SPAG9: variants seen among roughly 807,000 people sequenced by gnomAD.
SPAG9 encodes sperm associated antigen 9.
In SPAG9, 35 loss-of-function variants were observed where a neutral mutation model predicts 166.5. The observed-to-expected ratio is 0.21, with a 90% CI of 0.16 to 0.28. SPAG9 has a LOEUF of 0.28. Ranked by LOEUF, SPAG9 falls within the 10% of genes least tolerant of loss-of-function variation. The probability of loss-of-function intolerance (pLI) is 1.00; values close to 1 mark genes in which losing one functional copy is unlikely to be tolerated. For synonymous variants in SPAG9, 534 were observed against 565.5 expected (o/e 0.94, Z 0.79); for missense variants, 1,235 against 1,603.3 (o/e 0.77, Z 3.92).
intron 13 of SPAG9, among the ~76,000 whole-genome samples, chr17:51,000,751 GAATGAATAAATAAATA>G (rs149823412): frequency 0.27 from 35,885 of 133,400 alleles, 5,062 homozygotes; most frequent in Admixed American, 0.38. Flanking sequence ...CTCAATAAAT[GAATGAATAAATAAATA>G]AATAAATAAA....
chr17:51,107,320 G>A (rs775766006), intron 1 of SPAG9, among the ~76,000 whole-genome samples: 15 of 151,822 alleles, frequency 9.9e-5, no homozygotes, highest in South Asian at 2.1e-4. Flanking sequence ...AGGCCAAGGC[G>A]GCAGATCATT....
chr17:50,984,690 A>T (rs1974905126), intron 24 of SPAG9, among the ~76,000 whole-genome samples: 2 of 152,118 alleles, frequency 1.3e-5, no homozygotes, highest in South Asian at 4.1e-4. Context: ...TGTCTCAAAA[A>T]ATAAAATAAA....
chr17:51,079,935 CAT>C lies in SPAG9; in HGVS notation c.304-233_304-232del, dbSNP rs1226589020. Among the ~76,000 whole-genome samples, 52 of 152,040 alleles carry C rather than the reference CAT, an allele frequency of 3.4e-4. 1 individual carries two copies. The highest frequency in any genetic ancestry group is 8.5e-4 in the Admixed American group (13 of 15,266). On this transcript the variant is annotated intron_variant, in intron 1 of 29. Coordinates refer to ENST00000262013, the MANE Select transcript of SPAG9 (RefSeq NM_001130528.3). The stretch of plus-strand genomic sequence containing the variant: ...TTTCCACTTCATGTTATAGGCATTC[CAT>C]ATGATATACATATCTTACTACAAAT...
chr17:50,981,445 G>A (rs1974597934), intron 25 of SPAG9, among the ~76,000 whole-genome samples: 1 of 150,904 alleles, frequency 6.6e-6, no homozygotes, highest in South Asian at 2.1e-4. Context: ...CAGCCAGATA[G>A]CTAGCTAATT....
At chr17:50,974,169 CATCACTT>C (rs1974047246) in intron 28 of SPAG9, among the ~76,000 whole-genome samples, 1 of 152,182 alleles carries the variant, frequency 6.6e-6, no homozygotes. Context: ...CACTGGACAT[CATCACTT>C]CCATCTTTTT....
intron 8 of SPAG9, among the ~76,000 whole-genome samples, chr17:51,018,826 C>T (rs1391031481): frequency 3.3e-5 from 5 of 152,260 alleles, no homozygotes; most frequent in Non-Finnish European, 4.4e-5. Context: ...AAAGTAGCAC[C>T]GCTGCCAGCC....
rs548755868 is a variant in SPAG9, at chr17:51,011,187, G to A, written c.1213+3045C>T. On this transcript the variant is annotated intron_variant, in intron 9 of 29. Transcript: ENST00000262013. ...AAAATCAGAAAAAGGTTGCGCTGGC[G>A]TGATGGTGCATGCCTGTAGTCCCAG... 1.6e-4 allele frequency among the ~76,000 whole-genome samples: 24 copies of A among 152,014 alleles called. No individual in the cohort carries two copies. In the South Asian group the frequency reaches 2.5e-3, roughly 16 times the overall value.
At chr17:51,025,245 G>A (rs1315412738) in intron 6 of SPAG9, among the ~76,000 whole-genome samples, 1 of 143,138 alleles carries the variant, frequency 7.0e-6, no homozygotes, top group Admixed American at 7.3e-5. Context: ...TTGAACCCAG[G>A]AGACGGAGGC....
At chr17:51,116,449 T>C (rs1290102540) in intron 1 of SPAG9, among the ~76,000 whole-genome samples, 1 of 152,186 alleles carries the variant, frequency 6.6e-6, no homozygotes, top group Non-Finnish European at 1.5e-5. Flanking sequence ...GATCATTTTG[T>C]ATCCAGATTT....
In SPAG9 at chr17:51,096,008, TATATATATATAGTG is replaced by T. The variant is rs1253141084; in HGVS notation, c.304-16318_304-16305del. 8.1e-3 allele frequency among the ~76,000 whole-genome samples: 583 copies of T among 71,570 alleles called. 24 individuals are homozygous for T. The highest frequency in any genetic ancestry group is 0.014 in the Middle Eastern group (2 of 146). The allele number at this position is 71,570 out of a possible 152,430, so 47.0% of individuals were successfully genotyped here. ...ATATATAGTGATATATATATAGTGATATATATATATAGTGATATATATATATAGTGATATATATA... is the reference window on the plus strand; with the variant it reads ...ATATATAGTGATATATATATAGTGATATATATATATATAGTGATATATATA... On this transcript the variant is annotated intron_variant, in intron 1 of 29. Coordinates refer to ENST00000262013, the MANE Select transcript of SPAG9 (RefSeq NM_001130528.3).
At chr17:51,046,531 C>G (rs367789420) in intron 4 of SPAG9, 9 of 1,536,186 alleles carry the variant, frequency 5.9e-6, no homozygotes, top group African/African-American at 5.5e-5. Context: ...TGCGTCAGAG[C>G]TGGCACACCG....
chr17:51,118,089 C>T (rs554637262), intron 1 of SPAG9, among the ~76,000 whole-genome samples: 90 of 149,666 alleles, frequency 6.0e-4, no homozygotes, highest in African/African-American at 2.2e-3. Flanking sequence ...GAGCCGAGAT[C>T]GTGCCACTGC....
At chr17:50,999,926 T>C (rs772305607) in intron 13 of SPAG9, among the ~76,000 whole-genome samples, 9 of 152,048 alleles carry the variant, frequency 5.9e-5, no homozygotes, top group African/African-American at 1.7e-4. Context: ...TAAAATATCA[T>C]CCCTCCCTCA....
chr17:51,110,264 G>C (rs1434991216), intron 1 of SPAG9, among the ~76,000 whole-genome samples: 7 of 151,486 alleles, frequency 4.6e-5, no homozygotes, highest in Non-Finnish European at 8.8e-5. Context: ...AACAACTACT[G>C]AATCTATATA....
intron 21 of SPAG9, among the ~76,000 whole-genome samples, chr17:50,987,853 A>C (rs1159523767): frequency 2.0e-5 from 3 of 152,252 alleles, no homozygotes; most frequent in African/African-American, 7.2e-5. Context: ...CTTTCCTTTG[A>C]ATTGTCAGGG....
chr17:51,031,816 A>G, intron 5 of SPAG9, 94 bp from the exon 6 acceptor site: 1 of 881,750 alleles, frequency 1.1e-6, no homozygotes, highest in East Asian at 2.6e-5. Flanking sequence ...CTCCCAAGAT[A>G]CAAGATTCAT....
At chr17:51,091,689 G>A (rs1371203137) in intron 1 of SPAG9, among the ~76,000 whole-genome samples, 1 of 151,694 alleles carries the variant, frequency 6.6e-6, no homozygotes, top group East Asian at 1.9e-4. Context: ...GCCTGTGAAT[G>A]AGCTTTTTCA....
At chr17:51,079,076 T>A (rs8072170) in intron 2 of SPAG9, among the ~76,000 whole-genome samples, 7,466 of 152,144 alleles carry the variant, frequency 0.049, 543 homozygotes, top group African/African-American at 0.16. Context: ...GTTTAGTCAG[T>A]TCTGCACACA....
At chr17:51,100,426 G>A (rs1375219987) in intron 1 of SPAG9, among the ~76,000 whole-genome samples, 1 of 152,110 alleles carries the variant, frequency 6.6e-6, no homozygotes, top group Non-Finnish European at 1.5e-5. Context: ...GCAACATGGT[G>A]AGATCCTGTC....
Sources: allele counts gnomAD v4.1 joint callset (sites outside exome capture counted in the v4.1 genomes callset), GRCh38; gene constraint gnomAD v4.1.1; transcripts MANE v1.5; gene names NCBI Gene and HGNC (gene_info 2026-07-23, HGNC 2026-07-21).